Variants in FRMD4A observed in about 807,000 individuals in gnomAD.
FRMD4A encodes FERM domain containing 4A.
FRMD4A carries 29 observed loss-of-function variants against 129.1 expected under a neutral mutation model. The observed-to-expected ratio is 0.22, with a 90% CI of 0.17 to 0.31. The LOEUF is 0.31. FRMD4A is among the 10% of genes least tolerant of loss of function. The probability of loss-of-function intolerance (pLI) is 1.00; values close to 1 mark genes in which losing one functional copy is unlikely to be tolerated. For missense variants in FRMD4A, 1,272 were observed against 1,375.8 expected, an observed-to-expected ratio of 0.92 and a Z score of 1.19; for synonymous variants, 634 against 571.6, an observed-to-expected ratio of 1.11 and a Z score of -1.56.
At chr10:14,138,891 T>C (rs1036616809) in intron 2 of FRMD4A, among the ~76,000 whole-genome samples, 3 of 152,210 alleles carry the variant, frequency 2.0e-5, no homozygotes. Context: ...ATTTTTCTAC[T>C]GTTTGTAGAT....
chr10:14,124,789 C>T (rs1035214060), intron 2 of FRMD4A, among the ~76,000 whole-genome samples: 1 of 152,154 alleles, frequency 6.6e-6, no homozygotes, highest in African/African-American at 2.4e-5. Context: ...GATCACCAAA[C>T]GGGATTGTAT....
At chr10:13,767,631 G>A (rs989570339) in intron 6 of FRMD4A, among the ~76,000 whole-genome samples, 2 of 152,090 alleles carry the variant, frequency 1.3e-5, no homozygotes, top group Admixed American at 6.5e-5. Flanking sequence ...TTTTTTCCTG[G>A]GATTCTGGGC....
intron 2 of FRMD4A, among the ~76,000 whole-genome samples, chr10:13,921,248 T>TTCTCTC (rs1263400403): frequency 2.7e-5 from 2 of 74,778 alleles, no homozygotes; most frequent in African/African-American, 9.0e-5. Flanking sequence ...CTTTCTCTCT[T>TTCTCTC]TCTCTCTCTC....
intron 2 of FRMD4A, among the ~76,000 whole-genome samples, chr10:14,085,277 A>C (rs1359071158): frequency 1.3e-5 from 2 of 152,208 alleles, no homozygotes; most frequent in Non-Finnish European, 2.9e-5. Flanking sequence ...GGCCTTGCGC[A>C]GGTTATTCCC....
At chr10:13,735,077 T>C (rs2090556333) in intron 12 of FRMD4A, among the ~76,000 whole-genome samples, 1 of 152,188 alleles carries the variant, frequency 6.6e-6, no homozygotes. Context: ...TTCACCATTT[T>C]GGCCAGGCTG....
At chr10:14,066,160 C>T (rs1835050805) in intron 2 of FRMD4A, among the ~76,000 whole-genome samples, 1 of 152,018 alleles carries the variant, frequency 6.6e-6, no homozygotes, top group Admixed American at 6.6e-5. Flanking sequence ...CAGAAACACT[C>T]CATTGATTCA....
At position 13,768,789 on chromosome 10, in the gene FRMD4A, G is replaced by T. The variant is rs1201095090; in HGVS notation, c.385-6109C>A. 2.6e-5 allele frequency among the ~76,000 whole-genome samples: 4 copies of T among 152,080 alleles called. No homozygotes were observed. In the East Asian group the frequency reaches 5.8e-4, roughly 22 times the overall value. ...TTGATTTTCCTTATCAGTAAAATGG[G>T]GATAACAATTTCCTTTCCAATTATT... On this transcript the variant is annotated intron_variant, in intron 6 of 24. Coordinates refer to ENST00000357447, the MANE Select transcript of FRMD4A (RefSeq NM_018027.5).
intron 2 of FRMD4A, among the ~76,000 whole-genome samples, chr10:14,134,648 C>T (rs534760635): frequency 2.8e-4 from 41 of 147,550 alleles, no homozygotes; most frequent in South Asian, 1.6e-3. Context: ...GGTGGATGGA[C>T]GGATGAGTTG....
chr10:13,998,447 A>G (rs1313226199), intron 2 of FRMD4A, among the ~76,000 whole-genome samples: 1 of 152,186 alleles, frequency 6.6e-6, no homozygotes, highest in Non-Finnish European at 1.5e-5. Flanking sequence ...TATCTCCAAT[A>G]CAGACCTCTC....
At chr10:13,922,533 A>G (rs2095085112) in intron 2 of FRMD4A, among the ~76,000 whole-genome samples, 1 of 152,228 alleles carries the variant, frequency 6.6e-6, no homozygotes, top group African/African-American at 2.4e-5. Flanking sequence ...TTTTTAGATT[A>G]CAGGTGATTA....
At chr10:14,199,196 C>T (rs542835731) in intron 2 of FRMD4A, among the ~76,000 whole-genome samples, 72 of 151,718 alleles carry the variant, frequency 4.7e-4, no homozygotes, top group Non-Finnish European at 8.1e-4. Flanking sequence ...ATCTCATTTG[C>T]TTTCTGGCTA....
chr10:14,306,615 T>C (rs891589441), intron 2 of FRMD4A, among the ~76,000 whole-genome samples: 3 of 152,212 alleles, frequency 2.0e-5, no homozygotes, highest in African/African-American at 7.2e-5. Context: ...AAAAGAGTTT[T>C]GGGAGTCTGT....
intron 2 of FRMD4A, among the ~76,000 whole-genome samples, chr10:14,288,650 A>C (rs994904100): frequency 1.3e-5 from 2 of 152,224 alleles, no homozygotes; most frequent in Non-Finnish European, 2.9e-5. Flanking sequence ...ACAAATTTTT[A>C]AGTGCACAAT....
intron 2 of FRMD4A, among the ~76,000 whole-genome samples, chr10:14,132,501 G>A (rs1333071762): frequency 1.3e-5 from 2 of 152,150 alleles, no homozygotes; most frequent in Non-Finnish European, 2.9e-5. Flanking sequence ...CGACTGAAGA[G>A]GTTGTTATCA....
rs370465588 is a variant in FRMD4A at position 13,958,422 on chromosome 10, C to T, written c.46-99510G>A. Among the ~76,000 whole-genome samples the T allele has an allele frequency of 1.6e-3, 229 of 146,136 alleles. 1 individual carries two copies. The highest frequency in any genetic ancestry group is 5.3e-3 in the African/African-American group (211 of 39,486). On this transcript the variant is annotated intron_variant, in intron 2 of 24. Transcript: ENST00000357447. ...CCTCAGCCTCCTGAGTAGCTGGGAC[C>T]ACAGGTGCCCGCCACCATGCCTGGC...
At chr10:14,137,897 G>A (rs1839628539) in intron 2 of FRMD4A, among the ~76,000 whole-genome samples, 1 of 151,998 alleles carries the variant, frequency 6.6e-6, no homozygotes, top group Non-Finnish European at 1.5e-5. Flanking sequence ...AGCCCCCAGT[G>A]CTTTTTCTCT....
chr10:13,650,711 AACTT>A (rs1452795041), intron 24 of FRMD4A, among the ~76,000 whole-genome samples: 5 of 152,094 alleles, frequency 3.3e-5, no homozygotes, highest in Non-Finnish European at 7.4e-5. Context: ...ATATTGTCCT[AACTT>A]ACTTTTCAAA....
intron 2 of FRMD4A, among the ~76,000 whole-genome samples, chr10:14,127,972 T>C (rs58113818): frequency 0.057 from 1,499 of 26,484 alleles, 98 homozygotes; most frequent in South Asian, 0.064. Flanking sequence ...CTTTCTTTCT[T>C]TCTTTCCTTC....
chr10:14,117,408 C>A (rs767504540), intron 2 of FRMD4A, among the ~76,000 whole-genome samples: 8 of 152,292 alleles, frequency 5.3e-5, no homozygotes, highest in Non-Finnish European at 4.4e-5. Flanking sequence ...TCATTGGGAC[C>A]AGTGCCCTCT....
Sources: allele counts gnomAD v4.1 joint callset (sites outside exome capture counted in the v4.1 genomes callset), GRCh38; gene constraint gnomAD v4.1.1; transcripts MANE v1.5; gene names NCBI Gene and HGNC (gene_info 2026-07-23, HGNC 2026-07-21).